DERL1: variants seen among roughly 807,000 people sequenced by gnomAD.
The protein encoded by DERL1 is derlin-1.
Under a neutral mutation model 41.6 loss-of-function variants are expected in DERL1, and 24 were observed. The ratio of observed to expected loss-of-function variants is 0.58; its 90% CI spans 0.42 to 0.81. DERL1 has a LOEUF of 0.81. DERL1 is among the 30% of genes least tolerant of loss of function. The pLI is 0.00. For missense variants in DERL1, 260 were observed against 314.3 expected (o/e 0.83, Z 1.31); for synonymous variants, 124 against 112.5 (o/e 1.10, Z -0.65).
chr8:123,015,751 C>A, intron 7 of DERL1, 166 bp from the exon 8 acceptor site: 1 of 756,974 alleles, frequency 1.3e-6, no homozygotes, highest in Non-Finnish European at 1.9e-6. Flanking sequence ...CTGTACTCAG[C>A]CCCATGACCT....
At chr8:123,022,557 G>T in intron 5 of DERL1, 127 bp downstream of exon 5, 1 of 813,956 alleles carries the variant, frequency 1.2e-6, no homozygotes, top group Non-Finnish European at 2.0e-6. Flanking sequence ...AGGGCAGAAA[G>T]GGGCTTGCCT....
At chr8:123,024,457 G>T (rs984345132) in intron 3 of DERL1, among the ~76,000 whole-genome samples, 1 of 152,142 alleles carries the variant, frequency 6.6e-6, no homozygotes, top group African/African-American at 2.4e-5. Flanking sequence ...CTCACCATCT[G>T]TAAGAGTCCT....
rs369502676 is a variant in DERL1 at position 123,026,647 on chromosome 8, T to C, written c.266-1597A>G. ...CGTTAACTCAAAGAGCTCTGCAACT[T>C]TTGGGACACGTCACCACCACTCTAG... On this transcript the variant is annotated intron_variant, in intron 2 of 7. Transcript: ENST00000259512. Among the ~76,000 whole-genome samples the C allele has an allele frequency of 2.4e-4, 36 of 152,282 alleles. 1 individual carries two copies. Among genetic ancestry groups the C allele is most frequent in the African/African-American group, 8.7e-4 (36 of 41,570 alleles).
At chr8:123,032,863 CTTTT>C (rs200724608) in intron 1 of DERL1, among the ~76,000 whole-genome samples, 12 of 122,020 alleles carry the variant, frequency 9.8e-5, no homozygotes, top group Admixed American at 1.6e-4. Flanking sequence ...TTTCTATTTT[CTTTT>C]TTTTTTTTTT....
chr8:123,035,566 C>A (rs748373127), intron 1 of DERL1, among the ~76,000 whole-genome samples: 4 of 152,294 alleles, frequency 2.6e-5, no homozygotes, highest in Middle Eastern at 3.4e-3. Flanking sequence ...CTCACACTTA[C>A]TGAGAGGACT....
chr8:123,029,043 G>A (rs758077636), intron 2 of DERL1, among the ~76,000 whole-genome samples: 13 of 151,838 alleles, frequency 8.6e-5, no homozygotes, highest in Non-Finnish European at 1.6e-4. Flanking sequence ...ACTCCAGTCT[G>A]GGTGACAGAG....
intron 1 of DERL1, among the ~76,000 whole-genome samples, chr8:123,033,750 A>G (rs1000171640): frequency 6.6e-6 from 1 of 152,204 alleles, no homozygotes; most frequent in Non-Finnish European, 1.5e-5. Flanking sequence ...TCTTAACAAA[A>G]AAGAAAATTG....
intron 2 of DERL1, among the ~76,000 whole-genome samples, chr8:123,027,471 T>C (rs1446761984): frequency 6.6e-6 from 1 of 152,066 alleles, no homozygotes; most frequent in Non-Finnish European, 1.5e-5. Flanking sequence ...TAAAAACCAA[T>C]GAATTGTGTA....
intron 1 of DERL1, among the ~76,000 whole-genome samples, chr8:123,037,650 CTACA>C: frequency 6.6e-6 from 1 of 152,264 alleles, no homozygotes; most frequent in South Asian, 2.1e-4. Context: ...AAATGTTTTG[CTACA>C]TACTTATTTT....
At chr8:123,023,826 G>T in intron 3 of DERL1, 87 bp from the exon 4 acceptor site, 2 of 1,461,778 alleles carry the variant, frequency 1.4e-6, no homozygotes, top group Non-Finnish European at 1.9e-6. Context: ...CCATTTAAAA[G>T]TTCACTTGGC....
At chr8:123,039,528 A>T (rs1441262465) in intron 1 of DERL1, among the ~76,000 whole-genome samples, 3 of 152,056 alleles carry the variant, frequency 2.0e-5, no homozygotes, top group African/African-American at 4.8e-5. Flanking sequence ...CCTACTTCTG[A>T]GCCTTTCACT....
chr8:123,033,138 T>A (rs1179750317), intron 1 of DERL1, among the ~76,000 whole-genome samples: 1 of 152,156 alleles, frequency 6.6e-6, no homozygotes, highest in Non-Finnish European at 1.5e-5. Context: ...GCTGAAATTA[T>A]AGGCATGAGC....
chr8:123,035,006 A>G (rs76156202), intron 1 of DERL1, among the ~76,000 whole-genome samples: 222 of 152,376 alleles, frequency 1.5e-3, no homozygotes, highest in Non-Finnish European at 2.7e-3. Flanking sequence ...TATTATCACA[A>G]TCTTTTCGGA....
chr8:123,025,979 G>GA (rs1343863945), intron 2 of DERL1, among the ~76,000 whole-genome samples: 2,266 of 123,096 alleles, frequency 0.018, 43 homozygotes, highest in African/African-American at 0.056. Flanking sequence ...TTTAACAGAA[G>GA]AAAAAAAAAA....
At chr8:123,031,605 T>C (rs2130485739) in intron 1 of DERL1, among the ~76,000 whole-genome samples, 1 of 152,256 alleles carries the variant, frequency 6.6e-6, no homozygotes, top group South Asian at 2.1e-4. Flanking sequence ...TAAGCCTCAT[T>C]CCCAACCTCC....
intron 2 of DERL1, among the ~76,000 whole-genome samples, chr8:123,026,481 A>T (rs1586463747): frequency 6.6e-6 from 1 of 152,240 alleles, no homozygotes; most frequent in Admixed American, 6.5e-5. Context: ...AACCTCAAAT[A>T]AGCCAACTCT....
In DERL1 at chr8:123,030,723, A is replaced by G. The variant is rs569638313; in HGVS notation, c.154-7T>C. On this transcript the variant is annotated splice_region_variant and splice_polypyrimidine_tract_variant and intron_variant, in intron 1 of 7. Coordinates refer to ENST00000259512, the MANE Select transcript of DERL1 (RefSeq NM_024295.6). ...CAGTGATTGGCCTCCAAATCTGTCC[A>G]GATCAAAATAAACACAGCTGTTAGT... is the stretch of plus-strand genomic sequence containing the variant. 134 of 1,581,124 alleles carry G rather than the reference A, an allele frequency of 8.5e-5. 1 individual carries two copies. In the South Asian group the frequency reaches 1.4e-3, roughly 16 times the overall value.
intron 1 of DERL1, among the ~76,000 whole-genome samples, chr8:123,037,365 C>A (rs1315232099): frequency 6.6e-6 from 1 of 152,134 alleles, no homozygotes; most frequent in African/African-American, 2.4e-5. Context: ...AATTTCTACT[C>A]CCCTGTCCCC....
At chr8:123,026,683 T>C (rs1434181919) in intron 2 of DERL1, among the ~76,000 whole-genome samples, 1 of 151,378 alleles carries the variant, frequency 6.6e-6, no homozygotes, top group Non-Finnish European at 1.5e-5. Flanking sequence ...ATCACTGTTT[T>C]CTTATCTATG....
Sources: allele counts gnomAD v4.1 joint callset (sites outside exome capture counted in the v4.1 genomes callset), GRCh38; gene constraint gnomAD v4.1.1; transcripts MANE v1.5; gene names NCBI Gene and HGNC (gene_info 2026-07-23, HGNC 2026-07-21).